Variants in GALNTL5 observed in about 807,000 individuals in gnomAD.
GALNTL5 encodes polypeptide N-acetylgalactosaminyltransferase like 5.
GALNTL5 carries 44 observed loss-of-function variants against 51.0 expected under a neutral mutation model. The observed-to-expected ratio is 0.86, with a 90% confidence interval of 0.68 to 1.11. The LOEUF (loss-of-function observed/expected upper bound fraction) is 1.11. Among genes scored for constraint, GALNTL5 ranks in the 50% least tolerant of loss-of-function variants. GALNTL5 has a pLI of 0.00. For missense variants in GALNTL5, 528 were observed against 531.8 expected (o/e 0.99, Z 0.07); for synonymous variants, 192 against 182.8 (o/e 1.05, Z -0.41).
At chr7:152,000,910 T>C (rs1218341994) in intron 5 of GALNTL5, among the ~76,000 whole-genome samples, 1 of 137,966 alleles carries the variant, frequency 7.2e-6, no homozygotes, top group African/African-American at 3.2e-5. Flanking sequence ...TTTTTTTCTT[T>C]CTTTTTTTTT....
intron 2 of GALNTL5, 199 bp from the exon 3 acceptor site, chr7:151,970,746 G>A (rs538590872): frequency 5.4e-6 from 2 of 372,154 alleles, no homozygotes; most frequent in Non-Finnish European, 1.0e-5. Context: ...CCCAGCCTCA[G>A]GTATTCCTTT....
intron 3 of GALNTL5, among the ~76,000 whole-genome samples, chr7:151,972,379 A>G (rs2081155372): frequency 1.3e-5 from 2 of 152,328 alleles, no homozygotes; most frequent in South Asian, 2.1e-4. Context: ...TGTGGTAGAA[A>G]AGAAAAACCC....
intron 3 of GALNTL5, among the ~76,000 whole-genome samples, chr7:151,974,438 G>A (rs754877800): frequency 6.6e-5 from 10 of 152,146 alleles, no homozygotes; most frequent in Non-Finnish European, 1.2e-4. Flanking sequence ...TTAACTAAAT[G>A]AGAAGTACTT....
At chr7:151,963,298 AGAAT>A (rs1385452541) in intron 1 of GALNTL5, among the ~76,000 whole-genome samples, 1 of 152,236 alleles carries the variant, frequency 6.6e-6, no homozygotes, top group Non-Finnish European at 1.5e-5. Context: ...TCTGCCTTCT[AGAAT>A]GAAACACCAC....
chr7:151,979,298 T>C (rs1432351872), intron 3 of GALNTL5, among the ~76,000 whole-genome samples: 1 of 133,852 alleles, frequency 7.5e-6, no homozygotes, highest in Non-Finnish European at 1.6e-5. Flanking sequence ...TTTTTGTAAG[T>C]AGAGACGGGG....
At chr7:151,969,841 C>T (rs2081107406) in intron 2 of GALNTL5, among the ~76,000 whole-genome samples, 1 of 152,226 alleles carries the variant, frequency 6.6e-6, no homozygotes, top group Non-Finnish European at 1.5e-5. Flanking sequence ...GAGTCTCGCT[C>T]TGTCGCCCAG....
In GALNTL5 at chr7:152,005,943, G is replaced by A. The variant is rs368712704; in HGVS notation, c.909-1884G>A. Among the ~76,000 whole-genome samples, 8 of 152,164 alleles carry A rather than the reference G, an allele frequency of 5.3e-5. No individual in the cohort carries two copies. The East Asian group carries it at 7.7e-4, about 15-fold the overall frequency. ...GTTTTGAGAGAGGTCAGGGCTGGAG[G>A]CATCCTTTGGGAGTCATGGATAGGA... On this transcript the variant is annotated intron_variant, in intron 6 of 8. Coordinates refer to ENST00000392800, the MANE Select transcript of GALNTL5 (RefSeq NM_145292.4).
At chr7:151,984,876 G>T (rs1179135852) in intron 4 of GALNTL5, among the ~76,000 whole-genome samples, 1 of 152,112 alleles carries the variant, frequency 6.6e-6, no homozygotes, top group African/African-American at 2.4e-5. Flanking sequence ...AATGACCAGG[G>T]GACGGATACC....
At chr7:152,019,544 G>C (rs1314838809) in intron 8 of GALNTL5, 102 bp from the exon 9 acceptor site, 1 of 1,202,344 alleles carries the variant, frequency 8.3e-7, no homozygotes, top group Non-Finnish European at 1.2e-6. Context: ...GGCTTTTTTA[G>C]TTCACATGAT....
In GALNTL5 at chr7:151,957,112, C is replaced by T. The variant is rs56291328; in HGVS notation, c.-40+503C>T. ...TGTGAGTCCAGGAGTTCAAGATCAG[C>T]TTGGATGAAAGAGTGAGACTCTGTC... On this transcript the variant is annotated intron_variant, in intron 1 of 8. Coordinates refer to ENST00000392800, the MANE Select transcript of GALNTL5 (RefSeq NM_145292.4). 1.7e-4 allele frequency among the ~76,000 whole-genome samples: 24 copies of T among 139,484 alleles called. 1 individual carries two copies. The South Asian group carries it at 5.4e-3, about 32-fold the overall frequency. 91.5% of individuals were successfully genotyped at this position (139,484 alleles called of 152,430 possible).
At position 152,018,321 on chromosome 7, in the gene GALNTL5, C is replaced by T. The variant is rs551631542; in HGVS notation, c.1177-1325C>T. Among the ~76,000 whole-genome samples the T allele has an allele frequency of 1.3e-3, 205 of 152,266 alleles. 1 individual carries two copies. The highest frequency in any genetic ancestry group is 4.8e-3 in the African/African-American group (198 of 41,562). ...CATCTGTGCTGCCATCAAATGTATA[C>T]GAAAGTGCCTGTCTCCTCATATTGG... is the stretch of plus-strand genomic sequence containing the variant. On this transcript the variant is annotated intron_variant, in intron 8 of 8. Transcript: ENST00000392800.
chr7:151,988,979 C>T (rs969016264), intron 5 of GALNTL5, among the ~76,000 whole-genome samples: 16 of 150,928 alleles, frequency 1.1e-4, no homozygotes, highest in Admixed American at 2.6e-4. Flanking sequence ...AGATTACTGT[C>T]GTGAGCCACC....
rs771034600 is a variant in GALNTL5, at chr7:151,983,171, T to C, written c.535+19T>C. The C allele has an allele frequency of 4.4e-6, 7 of 1,586,478 alleles. No homozygotes were observed. The East Asian group carries it at 1.1e-4, about 25-fold the overall frequency. ...AAAGTTGGTAAGATAGAACACTCAT[T>C]ATCTCATCTACTTTGTTGTTGTTGT... On this transcript the variant is annotated intron_variant, in intron 4 of 8. Transcript: ENST00000392800.
intron 1 of GALNTL5, chr7:151,960,826 G>C (rs1331804755): frequency 6.6e-6 from 1 of 152,342 alleles, no homozygotes; most frequent in Non-Finnish European, 1.5e-5. Flanking sequence ...CCTGAAGGCG[G>C]TGTCTCGGTA....
At chr7:151,979,106 C>CTTTTTTTT (rs397888897) in intron 3 of GALNTL5, among the ~76,000 whole-genome samples, 2 of 71,164 alleles carry the variant, frequency 2.8e-5, no homozygotes, top group African/African-American at 4.4e-5. Context: ...TACTTTTACT[C>CTTTTTTTT]TTTTTTTTTT....
chr7:152,015,517 G>T (rs369394846), intron 8 of GALNTL5, among the ~76,000 whole-genome samples: 3 of 151,946 alleles, frequency 2.0e-5, no homozygotes, highest in South Asian at 4.2e-4. Flanking sequence ...ATACCATCAG[G>T]CCTGGCTAAT....
chr7:152,019,607 T>C (rs756112224), intron 8 of GALNTL5, 39 bp from the exon 9 acceptor site: 2 of 1,571,872 alleles, frequency 1.3e-6, no homozygotes, highest in Non-Finnish European at 1.7e-6. Context: ...AAAGATTTGT[T>C]TGGTTGAACG....
At chr7:151,957,281 T>A (rs7806828) in intron 1 of GALNTL5, among the ~76,000 whole-genome samples, 1 of 151,382 alleles carries the variant, frequency 6.6e-6, no homozygotes, top group African/African-American at 2.4e-5. Context: ...TGGTAGCTCA[T>A]GCCTGTAATC....
chr7:151,987,514 T>C (rs1347519650), intron 5 of GALNTL5, among the ~76,000 whole-genome samples: 2 of 151,256 alleles, frequency 1.3e-5, no homozygotes, highest in African/African-American at 4.9e-5. Flanking sequence ...GACGTTAATG[T>C]CAGCCCCTCT....
Sources: allele counts gnomAD v4.1 joint callset (sites outside exome capture counted in the v4.1 genomes callset), GRCh38; gene constraint gnomAD v4.1.1; transcripts MANE v1.5; gene names NCBI Gene and HGNC (gene_info 2026-07-23, HGNC 2026-07-21).